SLIT3: variants seen among roughly 807,000 people sequenced by gnomAD.
SLIT3 encodes the protein slit homolog 3 protein.
Under a neutral mutation model 184.0 loss-of-function variants are expected in SLIT3, and 68 were observed. That is an observed-to-expected ratio of 0.37 (90% CI 0.30 to 0.45). The LOEUF (loss-of-function observed/expected upper bound fraction) is 0.45, where lower values mean the gene tolerates loss of function less well. Among genes scored for constraint, SLIT3 ranks in the 20% least tolerant of loss-of-function variants. The pLI is 1.00. For synonymous variants in SLIT3, 831 were observed against 828.6 expected (o/e 1.00, Z -0.05); for missense variants, 1,707 against 2,026.0 (o/e 0.84, Z 3.02).
intron 20 of SLIT3, among the ~76,000 whole-genome samples, chr5:168,738,224 A>G (rs1763498705): frequency 6.6e-6 from 1 of 152,214 alleles, no homozygotes; most frequent in African/African-American, 2.4e-5. Flanking sequence ...ATTTGCACTG[A>G]TGGTACAAAA....
At chr5:168,873,966 T>C (rs1477053260) in intron 5 of SLIT3, among the ~76,000 whole-genome samples, 1 of 152,206 alleles carries the variant, frequency 6.6e-6, no homozygotes, top group African/African-American at 2.4e-5. Flanking sequence ...CATTTCTCTG[T>C]GGAGCTAAAA....
chr5:168,696,148 G>T, intron 28 of SLIT3, 144 bp downstream of exon 28: 1 of 977,568 alleles, frequency 1.0e-6, no homozygotes, highest in Non-Finnish European at 1.6e-6. Context: ...GGCCTTTGGG[G>T]AGCCCCTCTT....
rs146702585 is a variant in SLIT3, at chr5:169,256,439, T to G, written c.198-4980A>C. Among the ~76,000 whole-genome samples the G allele has an allele frequency of 2.0e-4, 30 of 152,340 alleles. No homozygotes were observed. The East Asian group carries it at 5.2e-3, about 26-fold the overall frequency. On this transcript the variant is annotated intron_variant, in intron 1 of 35. Coordinates refer to ENST00000519560, the MANE Select transcript of SLIT3 (RefSeq NM_003062.4). ...ATAGGCTATACCCATATCTCCTATGTGTGTAGTAGGCTAGACCATCTAGGT... is the reference window on the plus strand; with the variant it reads ...ATAGGCTATACCCATATCTCCTATGGGTGTAGTAGGCTAGACCATCTAGGT...
chr5:168,753,889 G>A lies in SLIT3; in HGVS notation c.1804C>T (p.Arg602Cys), dbSNP rs577365804. The A allele has an allele frequency of 7.3e-5, 117 of 1,611,602 alleles. No homozygotes were observed. The East Asian group carries it at 1.2e-3, about 17-fold the overall frequency. ...AAGGTTTTGAGGCCACTGAGGCCAC[G>A]GAACACGCGCCCGTGCACGGTCTCC... is the stretch of plus-strand genomic sequence containing the variant. ...QLETVHGRVF[R>C]GLSGLKTLML... Residue 602 changes from arginine (R) to cysteine (C), a missense_variant, in exon 17 of 36, where the codon CGT (arginine) becomes TGT (cysteine). By Grantham distance (180) the Arg-to-Cys change is radical. This residue lies in a region of SLIT3 where 1,307 missense variants were observed against 1,511.6 expected (regional missense o/e 0.86). Transcript: ENST00000519560.
intron 4 of SLIT3, among the ~76,000 whole-genome samples, chr5:168,930,646 G>A (rs1397921419): frequency 6.6e-6 from 1 of 152,112 alleles, no homozygotes; most frequent in Non-Finnish European, 1.5e-5. Flanking sequence ...CCTTAGCACA[G>A]TACTGCTGTT....
chr5:168,774,161 G>T, intron 13 of SLIT3, 74 bp downstream of exon 13: 1 of 1,421,758 alleles, frequency 7.0e-7, no homozygotes, highest in Non-Finnish European at 9.6e-7. Flanking sequence ...CCCTCATTTG[G>T]GTGTTTTTCA....
At chr5:168,763,136 G>A (rs1383501309) in intron 14 of SLIT3, among the ~76,000 whole-genome samples, 2 of 152,142 alleles carry the variant, frequency 1.3e-5, no homozygotes, top group Admixed American at 1.3e-4. Context: ...TTTTGATGAT[G>A]CTTTGACGGG....
chr5:168,999,010 C>G (rs1755610768), intron 4 of SLIT3, among the ~76,000 whole-genome samples: 1 of 151,968 alleles, frequency 6.6e-6, no homozygotes. Context: ...ACCTCCCAGA[C>G]TCAAGTGATT....
At chr5:169,245,694 T>C (rs1400475021) in intron 2 of SLIT3, among the ~76,000 whole-genome samples, 3 of 152,032 alleles carry the variant, frequency 2.0e-5, no homozygotes, top group Non-Finnish European at 4.4e-5. Flanking sequence ...GGAGGAGAGG[T>C]ACCCACAAGC....
intron 1 of SLIT3, among the ~76,000 whole-genome samples, chr5:169,269,970 A>G (rs1353159974): frequency 6.6e-6 from 1 of 152,196 alleles, no homozygotes; most frequent in Non-Finnish European, 1.5e-5. Context: ...GTTTCCTATT[A>G]CAAATCACGT....
At chr5:169,290,536 C>T (rs114165366) in intron 1 of SLIT3, among the ~76,000 whole-genome samples, 2,052 of 146,318 alleles carry the variant, frequency 0.014, 51 homozygotes, top group African/African-American at 0.046. Flanking sequence ...TATACTAGGG[C>T]GCATACTAGG....
At chr5:169,188,192 C>G (rs553192686) in intron 4 of SLIT3, among the ~76,000 whole-genome samples, 68 of 152,304 alleles carry the variant, frequency 4.5e-4, no homozygotes, top group African/African-American at 1.6e-3. Flanking sequence ...CTCCTGAGCT[C>G]AGGCAATCCG....
At chr5:169,281,880 C>CT (rs946563831) in intron 1 of SLIT3, among the ~76,000 whole-genome samples, 2 of 151,900 alleles carry the variant, frequency 1.3e-5, no homozygotes, top group Non-Finnish European at 2.9e-5. Context: ...AATTTTCCCC[C>CT]CCAGGGGACA....
At chr5:168,672,776 C>T (rs906023179) in intron 33 of SLIT3, among the ~76,000 whole-genome samples, 1 of 152,170 alleles carries the variant, frequency 6.6e-6, no homozygotes, top group Non-Finnish European at 1.5e-5. Flanking sequence ...ACCTGGCCTA[C>T]TTCCATTTTT....
Position 169,015,470 on chromosome 5 carries a change from G to A in SLIT3, c.414-132134C>T, listed in dbSNP as rs1291991285. ...GCATTTGTGCAAGCATGGACAGGCT[G>A]GAGCAGTGTCCGCTGCAACTGTCCA... is the stretch of plus-strand genomic sequence containing the variant. On this transcript the variant is annotated intron_variant, in intron 4 of 35. Coordinates refer to ENST00000519560, the MANE Select transcript of SLIT3 (RefSeq NM_003062.4). Among the ~76,000 whole-genome samples the A allele has an allele frequency of 2.0e-5, 3 of 152,194 alleles. No homozygotes were observed. In the East Asian group the frequency reaches 5.8e-4, roughly 29 times the overall value.
At chr5:168,911,079 T>C (rs1273577632) in intron 4 of SLIT3, among the ~76,000 whole-genome samples, 8 of 152,204 alleles carry the variant, frequency 5.3e-5, no homozygotes. Flanking sequence ...TTGATGGGTT[T>C]GACGAATGCC....
At position 168,844,605 on chromosome 5, in the gene SLIT3, G is replaced by A. The variant is rs1372014444; in HGVS notation, c.536C>T (p.Ala179Val). ...TCACAGGATCTCCAAATCGCGCAGCGCTCGGAAGGCTCCATCTTCAATGCA... is the reference window on the plus strand; with the variant it reads ...TCACAGGATCTCCAAATCGCGCAGCACTCGGAAGGCTCCATCTTCAATGCA... ...ISCIEDGAFR[A>V]LRDLEILTLN... Residue 179 changes from alanine (A) to valine (V), a missense_variant, in exon 6 of 36, where the codon GCG (alanine) becomes GTG (valine). By Grantham distance (64) the Ala-to-Val change is moderately conservative (BLOSUM62 0). Coordinates refer to ENST00000519560, the MANE Select transcript of SLIT3 (RefSeq NM_003062.4). 5 of 1,614,152 alleles carry A rather than the reference G, an allele frequency of 3.1e-6. No individual in the cohort carries two copies. The highest frequency in any genetic ancestry group is 1.3e-5 in the African/African-American group (1 of 75,058).
chr5:169,232,519 C>A (rs1162075121), intron 3 of SLIT3, among the ~76,000 whole-genome samples: 2 of 152,122 alleles, frequency 1.3e-5, no homozygotes, highest in African/African-American at 2.4e-5. Context: ...ACCAGCACTC[C>A]CGGCCAAAAA....
At chr5:168,845,629 T>TG (rs1758433732) in intron 5 of SLIT3, among the ~76,000 whole-genome samples, 1 of 152,194 alleles carries the variant, frequency 6.6e-6, no homozygotes, top group Non-Finnish European at 1.5e-5. Context: ...CCAGGGTTTT[T>TG]TTTTTCCTAA....
Sources: gnomAD v4.1 joint callset for allele counts (sites outside exome capture counted in the v4.1 genomes callset) on GRCh38, gnomAD v4.1.1 for gene constraint, gnomAD v4.1.1 regional missense constraint, MANE v1.5 for transcripts, NCBI Gene and HGNC (gene_info 2026-07-23, HGNC 2026-07-21) for gene names.